SPRED1: variants seen among roughly 807,000 people sequenced by gnomAD.
SPRED1 encodes sprouty-related, EVH1 domain-containing protein 1.
Under a neutral mutation model 52.3 loss-of-function variants are expected in SPRED1, and 18 were observed. That is an observed-to-expected ratio of 0.34 (90% CI 0.24 to 0.51). SPRED1 has a LOEUF of 0.51. SPRED1 is among the 20% of genes least tolerant of loss of function. The pLI is 0.97. For synonymous variants in SPRED1, 155 were observed against 179.7 expected (o/e 0.86, Z 1.10); for missense variants, 485 against 551.0 (o/e 0.88, Z 1.20).
chr15:38,314,580 A>G (rs1895434552), intron 2 of SPRED1, among the ~76,000 whole-genome samples: 1 of 151,866 alleles, frequency 6.6e-6, no homozygotes. Flanking sequence ...ATACGTGTAT[A>G]CTTTCTCACC....
At chr15:38,317,799 T>TCC (rs1264255434) in intron 2 of SPRED1, among the ~76,000 whole-genome samples, 2 of 59,356 alleles carry the variant, frequency 3.4e-5, no homozygotes, top group Non-Finnish European at 8.8e-5. Context: ...TTTTTCTGCT[T>TCC]TCTTTTTTTT....
At chr15:38,279,865 G>A (rs1168498303) in intron 1 of SPRED1, among the ~76,000 whole-genome samples, 1 of 152,160 alleles carries the variant, frequency 6.6e-6, no homozygotes, top group Non-Finnish European at 1.5e-5. Flanking sequence ...GATAATTTTA[G>A]GAGTCTTCAG....
intron 5 of SPRED1, among the ~76,000 whole-genome samples, chr15:38,340,627 G>T (rs1896009666): frequency 6.6e-6 from 1 of 151,958 alleles, no homozygotes; most frequent in African/African-American, 2.4e-5. Flanking sequence ...CTGCCACCTG[G>T]GTTCAAGCGA....
At chr15:38,339,990 C>T in intron 5 of SPRED1, 95 bp downstream of exon 5, 2 of 1,479,354 alleles carry the variant, frequency 1.4e-6, no homozygotes, top group Non-Finnish European at 1.9e-6. Flanking sequence ...TGCCCTTTAC[C>T]AGACACAGTA....
rs994696783 is a variant in SPRED1 at position 38,355,148 on chromosome 15, G to A, written c.*3484G>A. The A allele has an allele frequency of 2.0e-5, 3 of 152,210 alleles. No homozygotes were observed. Among genetic ancestry groups the A allele is most frequent in the Non-Finnish European group, 4.4e-5 (3 of 68,108 alleles). The allele number at this position is 152,210 out of a possible 1,614,324, so 9.4% of individuals were successfully genotyped here. A position where few individuals can be genotyped will look rare whatever the true frequency, so the allele number is the denominator to read the frequency against. Reference sequence around the variant, plus strand: ...GTTTTGGTATTTTAGTAGAGATGGGGTTTCACCATGTTGGCCAGGCTGGTC... The same window carrying A: ...GTTTTGGTATTTTAGTAGAGATGGGATTTCACCATGTTGGCCAGGCTGGTC... On this transcript the variant is annotated 3_prime_UTR_variant, in exon 7 of 7. Transcript: ENST00000299084.
chr15:38,299,333 T>G (rs1283075954), intron 1 of SPRED1, 40 bp from the exon 2 acceptor site: 12 of 1,611,466 alleles, frequency 7.4e-6, no homozygotes, highest in African/African-American at 2.7e-5. Flanking sequence ...TGTTTTTTGT[T>G]TATGGAAAAG....
At chr15:38,334,066 T>C (rs1403673570) in intron 4 of SPRED1, among the ~76,000 whole-genome samples, 1 of 152,052 alleles carries the variant, frequency 6.6e-6, no homozygotes, top group East Asian at 1.9e-4. Context: ...AAATGCTCAA[T>C]ATATTTTAGC....
At chr15:38,322,109 C>A in intron 2 of SPRED1, 132 bp from the exon 3 acceptor site, 1 of 861,222 alleles carries the variant, frequency 1.2e-6, no homozygotes. Context: ...GTGAAGTAGA[C>A]CACTTTATTT....
At chr15:38,263,203 G>A (rs971743895) in intron 1 of SPRED1, among the ~76,000 whole-genome samples, 1 of 152,208 alleles carries the variant, frequency 6.6e-6, no homozygotes, top group Non-Finnish European at 1.5e-5. Context: ...TTAGGCCGCT[G>A]TAATGCTTTT....
At chr15:38,289,443 T>G (rs377001081) in intron 1 of SPRED1, among the ~76,000 whole-genome samples, 1 of 151,962 alleles carries the variant, frequency 6.6e-6, no homozygotes, top group African/African-American at 2.4e-5. Flanking sequence ...CCATTTGTGG[T>G]AGACAGAATA....
chr15:38,300,556 T>C (rs1486338969), intron 2 of SPRED1, among the ~76,000 whole-genome samples: 1 of 152,096 alleles, frequency 6.6e-6, no homozygotes, highest in East Asian at 1.9e-4. Context: ...ATTGTAGTAA[T>C]TCAGAAAGTT....
At chr15:38,339,530 T>C (rs1895988209) in intron 4 of SPRED1, among the ~76,000 whole-genome samples, 1 of 152,214 alleles carries the variant, frequency 6.6e-6, no homozygotes, top group Admixed American at 6.5e-5. Flanking sequence ...TCTCGTGAAG[T>C]TGAATTTTTC....
At chr15:38,270,880 C>T (rs935123603) in intron 1 of SPRED1, among the ~76,000 whole-genome samples, 1 of 152,062 alleles carries the variant, frequency 6.6e-6, no homozygotes, top group African/African-American at 2.4e-5. Context: ...GTCTCTTGAA[C>T]TGAGTGAAAT....
intron 1 of SPRED1, among the ~76,000 whole-genome samples, chr15:38,295,222 A>G (rs1489794325): frequency 6.6e-6 from 1 of 152,180 alleles, no homozygotes; most frequent in Non-Finnish European, 1.5e-5. Context: ...CATAGAGTGT[A>G]CCTACACAAA....
At chr15:38,272,189 T>C (rs1194611845) in intron 1 of SPRED1, among the ~76,000 whole-genome samples, 1 of 152,032 alleles carries the variant, frequency 6.6e-6, no homozygotes, top group Non-Finnish European at 1.5e-5. Flanking sequence ...GCTTCAGTGA[T>C]CATGAGTGCA....
chr15:38,264,939 G>A (rs141749588), intron 1 of SPRED1, among the ~76,000 whole-genome samples: 39 of 152,216 alleles, frequency 2.6e-4, no homozygotes, highest in South Asian at 1.9e-3. Flanking sequence ...CCAAATTAAG[G>A]TCTTATTAAG....
rs559444810 is a variant in SPRED1, at chr15:38,278,718, A to G, written c.33-20655A>G. Among the ~76,000 whole-genome samples, 25 of 152,262 alleles carry G rather than the reference A, an allele frequency of 1.6e-4. No individual in the cohort carries two copies. The South Asian group carries it at 4.8e-3, about 29-fold the overall frequency. Reference sequence around the variant, plus strand: ...TGGGTTTTTTATGATACCTAATACAATGCAAATGCTGTGTAAATAGTTATA... The same window carrying G: ...TGGGTTTTTTATGATACCTAATACAGTGCAAATGCTGTGTAAATAGTTATA... On this transcript the variant is annotated intron_variant, in intron 1 of 6. Coordinates refer to ENST00000299084, the MANE Select transcript of SPRED1 (RefSeq NM_152594.3).
chr15:38,287,796 C>G (rs1425940894), intron 1 of SPRED1, among the ~76,000 whole-genome samples: 1 of 152,208 alleles, frequency 6.6e-6, no homozygotes, highest in Non-Finnish European at 1.5e-5. Flanking sequence ...ATATCAGGGA[C>G]TTGAGCGTCA....
intron 2 of SPRED1, among the ~76,000 whole-genome samples, chr15:38,307,851 G>A (rs868386430): frequency 8.6e-5 from 13 of 151,900 alleles, no homozygotes; most frequent in Non-Finnish European, 1.8e-4. Flanking sequence ...ATGTTTTTTC[G>A]CATGTAGGTA....
Sources: allele counts gnomAD v4.1 joint callset (sites outside exome capture counted in the v4.1 genomes callset), GRCh38; gene constraint gnomAD v4.1.1; transcripts MANE v1.5; gene names NCBI Gene and HGNC (gene_info 2026-07-23, HGNC 2026-07-21).